The following MAPK6 variants were observed in gnomAD, a reference collection of about 807,000 sequenced individuals.
MAPK6 encodes mitogen-activated protein kinase 6.
MAPK6 carries 19 observed loss-of-function variants against 59.3 expected under a neutral mutation model. That is an observed-to-expected ratio of 0.32 (90% CI 0.22 to 0.47). MAPK6 has a LOEUF of 0.47. Ranked by LOEUF, MAPK6 falls within the 20% of genes least tolerant of loss-of-function variation. MAPK6 has a pLI of 1.00. For synonymous variants in MAPK6, 316 were observed against 290.3 expected (o/e 1.09, Z -0.90); for missense variants, 724 against 847.9 (o/e 0.85, Z 1.81).
intron 1 of MAPK6, among the ~76,000 whole-genome samples, chr15:52,026,917 G>A (rs1173403737): frequency 6.6e-6 from 1 of 151,592 alleles, no homozygotes; most frequent in African/African-American, 2.4e-5. Flanking sequence ...GAGTATGGTG[G>A]TGCATACCTG....
intron 1 of MAPK6, among the ~76,000 whole-genome samples, chr15:52,025,836 A>G (rs2030752065): frequency 6.6e-6 from 1 of 152,238 alleles, no homozygotes; most frequent in Admixed American, 6.5e-5. Flanking sequence ...CATGGACAGC[A>G]CAGATCTAGA....
chr15:51,991,160 C>CACAA (rs1361694729), intron 2 of MAPK6, among the ~76,000 whole-genome samples: 4 of 142,526 alleles, frequency 2.8e-5, no homozygotes, highest in Non-Finnish European at 1.5e-5. Context: ...CACACACACA[C>CACAA]ACACACACAC....
At chr15:51,978,929 T>C (rs927095275) in intron 1 of MAPK6, among the ~76,000 whole-genome samples, 1 of 151,516 alleles carries the variant, frequency 6.6e-6, no homozygotes, top group African/African-American at 2.4e-5. Flanking sequence ...AAGACCAGCC[T>C]GGGCAACATA....
chr15:52,051,386 C>G (rs1250442160), intron 3 of MAPK6, among the ~76,000 whole-genome samples: 1 of 151,794 alleles, frequency 6.6e-6, no homozygotes, highest in Non-Finnish European at 1.5e-5. Context: ...GTGGTTCCCC[C>G]CAACCCCCAG....
In MAPK6 at chr15:52,019,277, G is replaced by C. The variant is rs111298920; in HGVS notation, c.-731G>C. The C allele has an allele frequency of 5.9e-5, 9 of 152,118 alleles. No individual in the cohort carries two copies. The highest frequency in any genetic ancestry group is 4.6e-4 in the Admixed American group (7 of 15,280). The allele number at this position is 152,118 out of a possible 1,614,324, so 9.4% of individuals were successfully genotyped here. ...TGGCGGCGACTGCGGCAAAGCGAGA[G>C]CCTCGGAGACGCCGCTGCCGCCAGC... is the stretch of plus-strand genomic sequence containing the variant. On this transcript the variant is annotated 5_prime_UTR_variant, in exon 1 of 6. Coordinates refer to ENST00000261845, the MANE Select transcript of MAPK6 (RefSeq NM_002748.4).
Position 52,061,182 on chromosome 15 carries a change from G to A in MAPK6, c.866-117G>A, listed in dbSNP as rs2032182688. On this transcript the variant is annotated intron_variant, in intron 4 of 5. Transcript: ENST00000261845. The stretch of plus-strand genomic sequence containing the variant: ...TAAGATGCTCATTTCCTGTTGTGTA[G>A]TATGTAGTGCTAAGGTAATCACTTA... The A allele has an allele frequency of 1.4e-5, 10 of 739,376 alleles. No homozygotes were observed. In the South Asian group the frequency reaches 1.7e-4, roughly 12 times the overall value. The allele number at this position is 739,376 out of a possible 1,614,324, so 45.8% of individuals were successfully genotyped here. A position where few individuals can be genotyped will look rare whatever the true frequency, so the allele number is the denominator to read the frequency against.
chr15:52,007,847 C>CTT (rs71425727), intron 3 of MAPK6, among the ~76,000 whole-genome samples: 17 of 139,814 alleles, frequency 1.2e-4, no homozygotes, highest in South Asian at 2.3e-4. Context: ...TATTTCACCT[C>CTT]TTTTTTTTTT....
At chr15:52,061,587 A>G in intron 5 of MAPK6, 87 bp downstream of exon 5, 2 of 1,004,794 alleles carry the variant, frequency 2.0e-6, no homozygotes, top group South Asian at 1.6e-5. Flanking sequence ...TATGTATAAG[A>G]CATTGTAGAA....
At chr15:51,983,529 G>A (rs1250572956) in intron 2 of MAPK6, among the ~76,000 whole-genome samples, 1 of 151,608 alleles carries the variant, frequency 6.6e-6, no homozygotes, top group Non-Finnish European at 1.5e-5. Context: ...AGGACAACAG[G>A]GCTGATGTGG....
chr15:52,018,971 T>C (rs1412591167), upstream of MAPK6: 1 of 152,322 alleles, frequency 6.6e-6, no homozygotes, highest in Non-Finnish European at 1.5e-5. Flanking sequence ...TTTGTTCCCT[T>C]AATGCCAGGG....
At chr15:51,992,027 G>C (rs1186516220) in intron 2 of MAPK6, among the ~76,000 whole-genome samples, 2 of 152,092 alleles carry the variant, frequency 1.3e-5, no homozygotes, top group Non-Finnish European at 2.9e-5. Context: ...CTTGATCACA[G>C]TTCACTGCAG....
chr15:52,016,055 CGCGCGCGCGCGCGCGCACA>C (rs2030237342), upstream of MAPK6, among the ~76,000 whole-genome samples: 1 of 43,874 alleles, frequency 2.3e-5, no homozygotes, highest in Admixed American at 2.4e-4. Flanking sequence ...AACTCCATCG[CGCGCGCGCGCGCGCGCACA>C]CACACACACA....
At chr15:52,032,537 CCTTT>C (rs939407349) in intron 1 of MAPK6, among the ~76,000 whole-genome samples, 2 of 151,720 alleles carry the variant, frequency 1.3e-5, no homozygotes, top group African/African-American at 2.4e-5. Flanking sequence ...AGATATTTAC[CCTTT>C]CTGAGTTTTT....
chr15:51,978,761 CTT>C (rs946216540), intron 1 of MAPK6, among the ~76,000 whole-genome samples: 2 of 151,750 alleles, frequency 1.3e-5, no homozygotes, highest in African/African-American at 2.4e-5. Context: ...CTAGAACTAA[CTT>C]ATTCCATTTT....
intron 1 of MAPK6, chr15:52,027,925 AC>A: frequency 7.1e-6 from 1 of 141,570 alleles, no homozygotes; most frequent in East Asian, 2.1e-4. Flanking sequence ...GGTGCCCACC[AC>A]CACGCCCGGC....
chr15:52,048,964 C>T (rs2031687691), intron 2 of MAPK6, among the ~76,000 whole-genome samples: 1 of 152,084 alleles, frequency 6.6e-6, no homozygotes, highest in Admixed American at 6.5e-5. Flanking sequence ...ACTAATAAGA[C>T]TTATACTATA....
At chr15:52,024,389 A>ACTTTTT (rs1182663308) in intron 1 of MAPK6, among the ~76,000 whole-genome samples, 10 of 150,166 alleles carry the variant, frequency 6.7e-5, no homozygotes, top group African/African-American at 2.4e-4. Context: ...CTTAGAATCT[A>ACTTTTT]CTTTTTCTTT....
intron 3 of MAPK6, among the ~76,000 whole-genome samples, chr15:52,053,424 ATGTC>A (rs578128399): frequency 3.3e-5 from 5 of 152,216 alleles, no homozygotes; most frequent in East Asian, 1.9e-4. Context: ...GGATGATTGA[ATGTC>A]TGTCCAGATC....
intron 1 of MAPK6, among the ~76,000 whole-genome samples, chr15:52,037,169 T>C (rs2141888355): frequency 6.6e-6 from 1 of 152,266 alleles, no homozygotes; most frequent in South Asian, 2.1e-4. Flanking sequence ...ACGTGGTGTG[T>C]GCCTATAGTC....
Sources: gnomAD v4.1 joint callset for allele counts (sites outside exome capture counted in the v4.1 genomes callset) on GRCh38, gnomAD v4.1.1 for gene constraint, MANE v1.5 for transcripts, NCBI Gene and HGNC (gene_info 2026-07-23, HGNC 2026-07-21) for gene names.